Variants in CLPTM1L observed in about 807,000 individuals in gnomAD.
The protein encoded by CLPTM1L is CLPTM1 like, also known as lipid scramblase CLPTM1L.
In CLPTM1L, 38 loss-of-function variants were observed where a neutral mutation model predicts 70.9. The ratio of observed to expected loss-of-function variants is 0.54; its 90% CI spans 0.41 to 0.70. The LOEUF (loss-of-function observed/expected upper bound fraction) is 0.70. Among genes scored for constraint, CLPTM1L ranks in the 30% least tolerant of loss-of-function variants. CLPTM1L has a pLI of 0.00. For synonymous variants in CLPTM1L, 339 were observed against 299.9 expected, an observed-to-expected ratio of 1.13 and a Z score of -1.35; for missense variants, 652 against 705.9, an observed-to-expected ratio of 0.92 and a Z score of 0.87.
At chr5:1,335,305 C>G (rs1753502016) in intron 5 of CLPTM1L, 131 bp from the exon 6 acceptor site, 1 of 730,082 alleles carries the variant, frequency 1.4e-6, no homozygotes, top group Non-Finnish European at 2.4e-6. Flanking sequence ...CTGGGCCCAG[C>G]AAGCATCCCC....
chr5:1,329,019 A>G (rs114235845), intron 9 of CLPTM1L, among the ~76,000 whole-genome samples: 1,852 of 151,708 alleles, frequency 0.012, 39 homozygotes, highest in African/African-American at 0.042. Context: ...CTCCTCCTCT[A>G]CAGGCATGAC....
At position 1,320,687 on chromosome 5, in the gene CLPTM1L, G is replaced by C; in HGVS notation, c.1461C>G (p.Thr487=). 6.5e-7 allele frequency: 1 copy of C among 1,548,848 alleles called. No individual in the cohort carries two copies. The change falls in exon 16 of 17, where the codon ACC becomes ACG. Residue 487 remains threonine, a synonymous_variant. Coordinates refer to ENST00000320895, the MANE Select transcript of CLPTM1L (RefSeq NM_030782.5). ...FIDDVFAFII[T]MPTSHRLACF... ...AGGCCAGCCGGTGAGACGTGGGCAT[G>C]GTGATGATGAAGGCAAAGACGTCAT... is the stretch of plus-strand genomic sequence containing the variant.
chr5:1,319,542 G>A (rs1313282948), intron 16 of CLPTM1L, among the ~76,000 whole-genome samples: 8 of 152,208 alleles, frequency 5.3e-5, no homozygotes, highest in Admixed American at 4.6e-4. Flanking sequence ...GGGCGGGGAC[G>A]GGAGCACTGC....
chr5:1,331,534 C>G, intron 8 of CLPTM1L: 1 of 568,234 alleles, frequency 1.8e-6, no homozygotes, highest in Non-Finnish European at 3.1e-6. Context: ...AGACCCAGAC[C>G]CCATGCACGC....
Position 1,334,298 on chromosome 5 carries a change from T to C in CLPTM1L, c.882A>G (p.Ala294=), listed in dbSNP as rs1234930918. 1.7e-5 allele frequency: 27 copies of C among 1,613,548 alleles called. No individual in the cohort carries two copies. The highest frequency in any genetic ancestry group is 1.7e-4 in the Middle Eastern group (1 of 6,054). Residue 294 remains alanine (A), a synonymous_variant, in exon 7 of 17, where the codon GCA becomes GCG. Transcript: ENST00000320895. ...CCGGTGGATGACTCACATGGAACGC[T>C]GCGACAAAGAAGGTCAGCGCCAGGA... The part of the protein sequence containing the change: ...LYFLALTFFV[A]AFHLLFDFLA...
chr5:1,332,303 C>G (rs1305547052), intron 7 of CLPTM1L: 4 of 178,964 alleles, frequency 2.2e-5, no homozygotes, highest in African/African-American at 9.4e-5. Flanking sequence ...ACTGCAAGGC[C>G]AAGGCCAAAG....
At chr5:1,344,214 G>A (rs76209264) in intron 2 of CLPTM1L, 137 bp downstream of exon 2, 1 of 682,854 alleles carries the variant, frequency 1.5e-6, no homozygotes, top group Admixed American at 2.2e-5. Flanking sequence ...CTCCAGTTAG[G>A]ATATTCTACC....
chr5:1,330,683 A>C (rs190130942), intron 8 of CLPTM1L: 103 of 412,424 alleles, frequency 2.5e-4, no homozygotes, highest in African/African-American at 1.6e-3. Context: ...GGGCCAGCAC[A>C]GCTTTGCTTC....
At chr5:1,343,267 A>G (rs1283353971) in intron 2 of CLPTM1L, among the ~76,000 whole-genome samples, 1 of 152,088 alleles carries the variant, frequency 6.6e-6, no homozygotes, top group East Asian at 1.9e-4. Flanking sequence ...TACCCAGGAA[A>G]GAGTATGTCT....
At chr5:1,324,856 G>C in intron 10 of CLPTM1L, 43 bp from the exon 11 acceptor site, 2 of 1,573,802 alleles carry the variant, frequency 1.3e-6, no homozygotes, top group Non-Finnish European at 1.7e-6. Context: ...GACTCAGGGA[G>C]GATCTGAGCA....
At position 1,342,451 on chromosome 5, in the gene CLPTM1L, C is replaced by T. The variant is rs904444875; in HGVS notation, c.264-591G>A. Among the ~76,000 whole-genome samples the T allele has an allele frequency of 2.0e-5, 3 of 152,204 alleles. No individual in the cohort carries two copies. The highest frequency in any genetic ancestry group is 2.0e-4 in the Admixed American group (3 of 15,274). On this transcript the variant is annotated intron_variant, in intron 2 of 16. Coordinates refer to ENST00000320895, the MANE Select transcript of CLPTM1L (RefSeq NM_030782.5). The surrounding 1 kb of genome is among the most constrained non-coding windows in gnomAD (Gnocchi z 4.3). ...ATCCAGCACGAGCTGAGGAAAGGCC[C>T]GGCGAGCTGCTACAACTGTAGGCCT...
chr5:1,334,254 AG>A, intron 7 of CLPTM1L, 34 bp downstream of exon 7: 1 of 1,551,644 alleles, frequency 6.4e-7, no homozygotes, highest in Non-Finnish European at 8.9e-7. Context: ...GAGCCCCCCA[AG>A]TGCCTGCGGC....
At position 1,341,804 on chromosome 5, in the gene CLPTM1L, T is replaced by C. The variant is rs767063730; in HGVS notation, c.320A>G (p.Tyr107Cys). The C allele has an allele frequency of 6.2e-7, 1 of 1,614,122 alleles. No individual in the cohort carries two copies. The highest frequency in any genetic ancestry group is 8.5e-7 in the Non-Finnish European group (1 of 1,180,004). ...KTRNNGTLYA[Y>C]IFLHHAGVLP... ...GACCCCAGCGTGATGGAGGAAGATGTAGGCATACAGCGTCCCATTGTTTCT... is the reference window on the plus strand; with the variant it reads ...GACCCCAGCGTGATGGAGGAAGATGCAGGCATACAGCGTCCCATTGTTTCT... Residue 107 changes from tyrosine to cysteine, a missense_variant, in exon 3 of 17, where the codon TAC becomes TGC. Tyr to Cys is a radical substitution (Grantham distance 194). Transcript: ENST00000320895.
At chr5:1,329,381 C>T (rs1215750085) in intron 9 of CLPTM1L, among the ~76,000 whole-genome samples, 1 of 152,266 alleles carries the variant, frequency 6.6e-6, no homozygotes, top group Admixed American at 6.5e-5. Flanking sequence ...ATTTCTCAAG[C>T]ACATGAAAAC....
chr5:1,340,460 A>G (rs952802356), intron 3 of CLPTM1L, among the ~76,000 whole-genome samples: 79 of 152,330 alleles, frequency 5.2e-4, no homozygotes, highest in African/African-American at 1.8e-3. Flanking sequence ...CTAAAGATGC[A>G]GTTTAGCGAT....
At chr5:1,339,042 A>G in intron 3 of CLPTM1L, 37 bp from the exon 4 acceptor site, 1 of 1,601,858 alleles carries the variant, frequency 6.2e-7, no homozygotes, top group Non-Finnish European at 8.5e-7. Context: ...ATGCTGGGAC[A>G]GAAAACCATG....
intron 9 of CLPTM1L, among the ~76,000 whole-genome samples, chr5:1,327,291 T>C (rs1299992901): frequency 2.1e-5 from 3 of 145,224 alleles, no homozygotes; most frequent in East Asian, 2.1e-4. Flanking sequence ...GGACATTTCA[T>C]CCAGCTCCTC....
intron 9 of CLPTM1L, chr5:1,326,536 TCATCCAGCTCCTCCTCTAGACACATTC>T (rs1752563045): frequency 1.1e-5 from 2 of 185,740 alleles, no homozygotes; most frequent in African/African-American, 4.1e-5. Context: ...CCGACACATT[TCATCCAGCTCCTCCTCTAGACACATTC>T]CATCCAGCTC....
chr5:1,334,185 G>T, intron 7 of CLPTM1L, 104 bp downstream of exon 7: 1 of 757,414 alleles, frequency 1.3e-6, no homozygotes, highest in South Asian at 1.6e-5. Flanking sequence ...GGGCCACAGG[G>T]CTGGACGGCG....
Sources: gnomAD v4.1 joint callset for allele counts (sites outside exome capture counted in the v4.1 genomes callset) on GRCh38, gnomAD v4.1.1 for gene constraint, Gnocchi (gnomAD v3.1) non-coding constraint, MANE v1.5 for transcripts, NCBI Gene and HGNC (gene_info 2026-07-23, HGNC 2026-07-21) for gene names.